Variants in IL1RAPL2 observed in about 807,000 individuals in gnomAD.
The protein encoded by IL1RAPL2 is interleukin 1 receptor accessory protein like 2, also known as X-linked interleukin-1 receptor accessory protein-like 2.
IL1RAPL2 carries 3 observed loss-of-function variants against 44.1 expected under a neutral mutation model. That is an observed-to-expected ratio of 0.07 (90% CI 0.03 to 0.18). The LOEUF is 0.18. Among genes scored for constraint, IL1RAPL2 ranks in the 10% least tolerant of loss-of-function variants. IL1RAPL2 has a pLI of 1.00. For missense variants in IL1RAPL2, 391 were observed against 496.4 expected (o/e 0.79, Z 2.02); for synonymous variants, 181 against 178.8 (o/e 1.01, Z -0.10).
chrX:105,274,776 G>T (rs1346519288), intron 5 of IL1RAPL2, among the ~76,000 whole-genome samples: 1 of 112,163 alleles, frequency 8.9e-6, no homozygotes, highest in Non-Finnish European at 1.9e-5. Flanking sequence ...GAGAGGAAGA[G>T]AGAAGAGTGG....
chrX:104,752,191 G>A (rs1035581480), intron 2 of IL1RAPL2, among the ~76,000 whole-genome samples: 22 of 110,337 alleles, frequency 2.0e-4, no homozygotes, highest in African/African-American at 7.2e-4. Flanking sequence ...GTAATTCAGA[G>A]GGAGGTTATA....
chrX:105,387,195 A>G lies in IL1RAPL2; in HGVS notation c.698-97118A>G, dbSNP rs375125780. 5.5e-4 allele frequency among the ~76,000 whole-genome samples: 60 copies of G among 109,101 alleles called. 4 individuals carry two copies. The East Asian group carries it at 7.7e-3, about 14-fold the overall frequency. The allele number at this position is 109,101 out of a possible 115,157, so 94.7% of individuals were successfully genotyped here. A position where few individuals can be genotyped will look rare whatever the true frequency, so the allele number is the denominator to read the frequency against. On this transcript the variant is annotated intron_variant, in intron 5 of 10. Transcript: ENST00000372582. ...TTTGGACCTGTAATAAGATATTGTT[A>G]ACCTACATGTACTTCATAAAAACTT...
chrX:104,785,530 T>C (rs1417938697), intron 2 of IL1RAPL2, among the ~76,000 whole-genome samples: 1 of 111,646 alleles, frequency 9.0e-6, no homozygotes, highest in African/African-American at 3.3e-5. Context: ...GCACTGTCTA[T>C]CTTCTCCCTC....
intron 5 of IL1RAPL2, among the ~76,000 whole-genome samples, chrX:105,428,938 A>G (rs980137435): frequency 9.0e-6 from 1 of 111,478 alleles, no homozygotes; most frequent in Non-Finnish European, 1.9e-5. Flanking sequence ...TCCTTTCCCC[A>G]GAGGCAGTCT....
chrX:105,597,900 T>C (rs1056758390), intron 6 of IL1RAPL2, among the ~76,000 whole-genome samples: 8 of 111,427 alleles, frequency 7.2e-5, no homozygotes, highest in African/African-American at 2.6e-4. Context: ...ATGGACATTT[T>C]TTTTCAAAAA....
At chrX:104,995,378 A>G (rs1385816880) in intron 2 of IL1RAPL2, among the ~76,000 whole-genome samples, 2 of 112,004 alleles carry the variant, frequency 1.8e-5, no homozygotes, top group African/African-American at 6.5e-5. Flanking sequence ...TATTAGTAAG[A>G]CTTGCTGGCT....
chrX:105,647,961 C>T (rs1171979189), intron 6 of IL1RAPL2, among the ~76,000 whole-genome samples: 1 of 111,443 alleles, frequency 9.0e-6, no homozygotes, highest in Non-Finnish European at 1.9e-5. Flanking sequence ...CAAGTTAAAC[C>T]TGATGAGCAG....
chrX:104,964,258 A>T, intron 2 of IL1RAPL2, among the ~76,000 whole-genome samples: 1 of 108,647 alleles, frequency 9.2e-6, no homozygotes, highest in Non-Finnish European at 1.9e-5. Flanking sequence ...TGCCTTTATC[A>T]TGGTACTACA....
At chrX:105,527,429 G>C (rs1192509751) in intron 6 of IL1RAPL2, among the ~76,000 whole-genome samples, 5 of 88,403 alleles carry the variant, frequency 5.7e-5, no homozygotes, top group Non-Finnish European at 1.1e-4. Context: ...GTATATGTGA[G>C]AGTGTGTTGT....
intron 2 of IL1RAPL2, among the ~76,000 whole-genome samples, chrX:105,085,201 CT>C (rs2032464443): frequency 1.8e-5 from 2 of 111,936 alleles, no homozygotes; most frequent in African/African-American, 3.2e-5. Context: ...ATCTAAAAAT[CT>C]TCTACACAGC....
intron 2 of IL1RAPL2, among the ~76,000 whole-genome samples, chrX:104,945,436 G>A (rs1046505425): frequency 2.2e-4 from 24 of 110,924 alleles, no homozygotes; most frequent in African/African-American, 7.2e-4. Flanking sequence ...TCATAAGATA[G>A]AATAATATAT....
intron 2 of IL1RAPL2, among the ~76,000 whole-genome samples, chrX:104,846,464 G>A (rs1419483724): frequency 9.1e-6 from 1 of 110,391 alleles, no homozygotes; most frequent in Non-Finnish European, 1.9e-5. Flanking sequence ...TTTTGTCCTT[G>A]TGCTAGTTTG....
chrX:104,680,465 G>T (rs1455837787), intron 2 of IL1RAPL2, among the ~76,000 whole-genome samples: 1 of 111,416 alleles, frequency 9.0e-6, no homozygotes, highest in Non-Finnish European at 1.9e-5. Context: ...TTGTGCAGCT[G>T]CACTAAGCCC....
At chrX:104,852,120 AAAG>A (rs1453754740) in intron 2 of IL1RAPL2, among the ~76,000 whole-genome samples, 4 of 111,924 alleles carry the variant, frequency 3.6e-5, no homozygotes, top group Non-Finnish European at 7.5e-5. Flanking sequence ...GACTCTCTAA[AAAG>A]AAAACCAAAT....
At chrX:104,764,231 T>G (rs893039420) in intron 2 of IL1RAPL2, among the ~76,000 whole-genome samples, 1 of 111,344 alleles carries the variant, frequency 9.0e-6, no homozygotes, top group Non-Finnish European at 1.9e-5. Context: ...CTTCTGCAAT[T>G]TCTTTCATTA....
intron 2 of IL1RAPL2, among the ~76,000 whole-genome samples, chrX:104,824,870 A>G (rs374474792): frequency 9.0e-6 from 1 of 111,140 alleles, no homozygotes. Context: ...GGTTTTTCAT[A>G]TCTCTACCTC....
At chrX:104,883,786 G>T (rs1923146927) in intron 2 of IL1RAPL2, among the ~76,000 whole-genome samples, 1 of 111,463 alleles carries the variant, frequency 9.0e-6, no homozygotes, top group African/African-American at 3.3e-5. Flanking sequence ...GGACTGCCTG[G>T]AATTTTAGGA....
chrX:105,361,325 G>A (rs991763716), intron 5 of IL1RAPL2, among the ~76,000 whole-genome samples: 17 of 111,223 alleles, frequency 1.5e-4, no homozygotes, highest in Non-Finnish European at 2.8e-4. Context: ...AGACAAGTGC[G>A]AACTTGACTT....
At chrX:105,654,782 T>C (rs1339309433) in intron 6 of IL1RAPL2, among the ~76,000 whole-genome samples, 2 of 111,829 alleles carry the variant, frequency 1.8e-5, no homozygotes, top group East Asian at 5.6e-4. Context: ...TTTCCCTTCT[T>C]TGCTTTTCAG....
Sources: gnomAD v4.1 joint callset for allele counts (sites outside exome capture counted in the v4.1 genomes callset) on GRCh38, gnomAD v4.1.1 for gene constraint, MANE v1.5 for transcripts, NCBI Gene and HGNC (gene_info 2026-07-23, HGNC 2026-07-21) for gene names.